The following FOXN3 variants were observed in gnomAD, a reference collection of about 807,000 sequenced individuals.
The protein encoded by FOXN3 is forkhead box protein N3.
In FOXN3, 7 loss-of-function variants were observed where a neutral mutation model predicts 38.4. That is an observed-to-expected ratio of 0.18 (90% CI 0.10 to 0.34). The LOEUF (loss-of-function observed/expected upper bound fraction) is 0.34, where lower values mean the gene tolerates loss of function less well. FOXN3 is among the 10% of genes least tolerant of loss of function. The probability of loss-of-function intolerance (pLI) is 1.00; values close to 1 mark genes in which losing one functional copy is unlikely to be tolerated. For missense variants in FOXN3, 456 were observed against 613.4 expected, an observed-to-expected ratio of 0.74 and a Z score of 2.71; for synonymous variants, 230 against 242.2, an observed-to-expected ratio of 0.95 and a Z score of 0.47.
intron 1 of FOXN3, among the ~76,000 whole-genome samples, chr14:89,510,684 G>A (rs148410950): frequency 2.1e-4 from 32 of 152,272 alleles, no homozygotes; most frequent in Non-Finnish European, 3.4e-4. Context: ...GGCTCACACC[G>A]TAATCCCGGC....
intron 1 of FOXN3, among the ~76,000 whole-genome samples, chr14:89,612,382 A>G (rs1896410120): frequency 6.6e-6 from 1 of 152,132 alleles, no homozygotes; most frequent in Non-Finnish European, 1.5e-5. Context: ...TCACAAGAAA[A>G]AACATGATGG....
intron 4 of FOXN3, among the ~76,000 whole-genome samples, chr14:89,277,457 T>C (rs1350873761): frequency 1.3e-5 from 2 of 152,186 alleles, no homozygotes; most frequent in Non-Finnish European, 2.9e-5. Context: ...CTAAATGGCA[T>C]TTAAAATAAA....
At chr14:89,397,821 T>G (rs1465749113) in intron 2 of FOXN3, among the ~76,000 whole-genome samples, 1 of 152,196 alleles carries the variant, frequency 6.6e-6, no homozygotes, top group South Asian at 2.1e-4. Context: ...TACCTGCTTA[T>G]AGTTGTTAAA....
At chr14:89,509,491 C>T (rs886623310) in intron 1 of FOXN3, among the ~76,000 whole-genome samples, 4 of 152,178 alleles carry the variant, frequency 2.6e-5, no homozygotes, top group East Asian at 3.9e-4. Flanking sequence ...CCCACCACCA[C>T]GCCTGGCTTA....
At chr14:89,330,901 C>T (rs1055461486) in intron 3 of FOXN3, among the ~76,000 whole-genome samples, 1 of 152,188 alleles carries the variant, frequency 6.6e-6, no homozygotes, top group Non-Finnish European at 1.5e-5. Flanking sequence ...TCAGAATCCT[C>T]AGGACCTGGG....
chr14:89,606,248 T>G (rs1896272929), intron 1 of FOXN3, among the ~76,000 whole-genome samples: 1 of 152,168 alleles, frequency 6.6e-6, no homozygotes, highest in South Asian at 2.1e-4. Flanking sequence ...TAAGTTGAAT[T>G]AGTAGCTGTA....
At chr14:89,250,438 A>G (rs1294370961) in intron 4 of FOXN3, among the ~76,000 whole-genome samples, 1 of 152,206 alleles carries the variant, frequency 6.6e-6, no homozygotes, top group Non-Finnish European at 1.5e-5. Context: ...GTGGAGCATA[A>G]ACATATAAGA....
At chr14:89,534,577 C>T (rs1304348675) in intron 1 of FOXN3, among the ~76,000 whole-genome samples, 2 of 152,160 alleles carry the variant, frequency 1.3e-5, no homozygotes, top group Non-Finnish European at 2.9e-5. Context: ...CGGCAAACTG[C>T]CCTAGCTGCA....
intron 5 of FOXN3, among the ~76,000 whole-genome samples, chr14:89,179,142 G>A (rs971570756): frequency 3.3e-5 from 5 of 152,188 alleles, no homozygotes; most frequent in Admixed American, 1.3e-4. Flanking sequence ...AAAGATACCG[G>A]GGAGGTACAA....
At chr14:89,592,957 G>C (rs963810333) in intron 1 of FOXN3, among the ~76,000 whole-genome samples, 2 of 151,152 alleles carry the variant, frequency 1.3e-5, no homozygotes, top group African/African-American at 4.9e-5. Context: ...CAAATTGAAA[G>C]TCCGCTGGAA....
intron 1 of FOXN3, among the ~76,000 whole-genome samples, chr14:89,614,386 G>A: frequency 6.6e-6 from 1 of 152,198 alleles, no homozygotes; most frequent in Admixed American, 6.5e-5. Context: ...CTAAAAATAT[G>A]CCTTCCCTCT....
At chr14:89,238,644 T>C (rs760039657) in intron 4 of FOXN3, among the ~76,000 whole-genome samples, 6 of 152,202 alleles carry the variant, frequency 3.9e-5, no homozygotes, top group African/African-American at 1.2e-4. Context: ...TTTTATCTAG[T>C]TCATTTAGAG....
chr14:89,406,751 T>C (rs1891398515), intron 2 of FOXN3, among the ~76,000 whole-genome samples: 1 of 151,422 alleles, frequency 6.6e-6, no homozygotes, highest in Non-Finnish European at 1.5e-5. Context: ...ACAATGTTTT[T>C]TGTTCAAGTA....
At chr14:89,198,550 G>A (rs1024849793) in intron 4 of FOXN3, among the ~76,000 whole-genome samples, 2 of 152,200 alleles carry the variant, frequency 1.3e-5, no homozygotes, top group Admixed American at 6.5e-5. Context: ...CTGCATTAAC[G>A]CACACCTTGT....
At chr14:89,258,657 T>C (rs910768473) in intron 4 of FOXN3, among the ~76,000 whole-genome samples, 5 of 152,268 alleles carry the variant, frequency 3.3e-5, no homozygotes, top group Admixed American at 6.5e-5. Context: ...TAAATGTAAC[T>C]AATAGTTACA....
chr14:89,518,407 T>C (rs1346887794), intron 1 of FOXN3, among the ~76,000 whole-genome samples: 4 of 152,206 alleles, frequency 2.6e-5, no homozygotes, highest in Non-Finnish European at 5.9e-5. Context: ...CTGGCAAGAC[T>C]GATTGGAGGA....
At chr14:89,442,579 G>A (rs1892409085) in intron 1 of FOXN3, among the ~76,000 whole-genome samples, 1 of 152,182 alleles carries the variant, frequency 6.6e-6, no homozygotes, top group South Asian at 2.1e-4. Flanking sequence ...TGCCAAGTGA[G>A]AGACTGATGG....
At chr14:89,539,778 G>A (rs559191388) in intron 1 of FOXN3, among the ~76,000 whole-genome samples, 1 of 152,210 alleles carries the variant, frequency 6.6e-6, no homozygotes, top group African/African-American at 2.4e-5. Flanking sequence ...AGACACTGAT[G>A]GGTGACAGAG....
intron 4 of FOXN3, among the ~76,000 whole-genome samples, chr14:89,220,675 C>A (rs1157553780): frequency 1.3e-5 from 2 of 152,142 alleles, no homozygotes; most frequent in African/African-American, 4.8e-5. Flanking sequence ...CTAGATGGTA[C>A]CCTGTCCTTG....
Sources: allele counts gnomAD v4.1 joint callset (sites outside exome capture counted in the v4.1 genomes callset), GRCh38; gene constraint gnomAD v4.1.1; transcripts MANE v1.5; gene names NCBI Gene and HGNC (gene_info 2026-07-23, HGNC 2026-07-21).